Variants in SLC24A2 observed in about 807,000 individuals in gnomAD.
The protein encoded by SLC24A2 is sodium/potassium/calcium exchanger 2.
Under a neutral mutation model 62.0 loss-of-function variants are expected in SLC24A2, and 36 were observed. The observed-to-expected ratio is 0.58, with a 90% CI of 0.44 to 0.77. The LOEUF is 0.77. Ranked by LOEUF, SLC24A2 falls within the 30% of genes least tolerant of loss-of-function variation. The pLI is 0.00. For synonymous variants in SLC24A2, 358 were observed against 294.0 expected (o/e 1.22, Z -2.23); for missense variants, 846 against 817.9 (o/e 1.03, Z -0.42).
chr9:19,695,882 C>A (rs563765590), intron 2 of SLC24A2, among the ~76,000 whole-genome samples: 1 of 152,174 alleles, frequency 6.6e-6, no homozygotes, highest in East Asian at 1.9e-4. Context: ...GGACCACATT[C>A]ATTAAGATAC....
chr9:20,180,201 T>C, the SLC24A2 span, among the ~76,000 whole-genome samples: 1 of 152,216 alleles, frequency 6.6e-6, no homozygotes, highest in South Asian at 2.1e-4. Context: ...TGATTTCTTT[T>C]TTTAAAAGTT....
the SLC24A2 span, among the ~76,000 whole-genome samples, chr9:19,859,744 CT>C: frequency 2.0e-5 from 3 of 152,224 alleles, no homozygotes; most frequent in East Asian, 5.8e-4. Flanking sequence ...TTCTCATCCC[CT>C]TGCAGTGGCA....
chr9:20,026,599 G>A, the SLC24A2 span, among the ~76,000 whole-genome samples: 2 of 152,248 alleles, frequency 1.3e-5, no homozygotes, highest in African/African-American at 2.4e-5. Flanking sequence ...AATAAATGAT[G>A]TTGGTAAAAC....
the SLC24A2 span, among the ~76,000 whole-genome samples, chr9:20,037,769 G>A: frequency 1.3e-5 from 2 of 152,106 alleles, no homozygotes; most frequent in Admixed American, 6.5e-5. Context: ...TTTATGACTC[G>A]GAAGAAGGAC....
intron 2 of SLC24A2, among the ~76,000 whole-genome samples, chr9:19,656,168 G>A (rs1587107147): frequency 6.6e-6 from 1 of 152,222 alleles, no homozygotes; most frequent in Non-Finnish European, 1.5e-5. Context: ...CATAGAGAGA[G>A]CTTTTATTGA....
chr9:19,608,526 C>G (rs911649487), intron 4 of SLC24A2, among the ~76,000 whole-genome samples: 6 of 152,148 alleles, frequency 3.9e-5, no homozygotes, highest in Non-Finnish European at 8.8e-5. Flanking sequence ...TGAGTGAAGT[C>G]TCCAGGCTCA....
intron 5 of SLC24A2, among the ~76,000 whole-genome samples, chr9:19,579,429 G>C (rs3780215): frequency 2.6e-5 from 4 of 151,994 alleles, no homozygotes; most frequent in Admixed American, 2.0e-4. Context: ...TTTGCAGAAG[G>C]CAATTCCAAA....
At chr9:19,609,894 C>T (rs1392865981) in intron 4 of SLC24A2, among the ~76,000 whole-genome samples, 1 of 152,062 alleles carries the variant, frequency 6.6e-6, no homozygotes, top group Non-Finnish European at 1.5e-5. Context: ...CACAGTTCAC[C>T]ATAGAGTTCA....
chr9:19,988,719 A>G, the SLC24A2 span, among the ~76,000 whole-genome samples: 1 of 152,214 alleles, frequency 6.6e-6, no homozygotes, highest in Admixed American at 6.6e-5. Flanking sequence ...CTTTTGTGGA[A>G]GTACCAATGC....
At chr9:20,091,811 A>C in the SLC24A2 span, among the ~76,000 whole-genome samples, 4 of 152,328 alleles carry the variant, frequency 2.6e-5, no homozygotes, top group Middle Eastern at 3.4e-3. Context: ...TGAAGCCAGC[A>C]CAATAACCAG....
At chr9:20,122,468 C>G in the SLC24A2 span, among the ~76,000 whole-genome samples, 83 of 152,282 alleles carry the variant, frequency 5.5e-4, no homozygotes, top group Non-Finnish European at 1.1e-3. Context: ...GGGCAGATCA[C>G]TTGAAGTCAG....
the SLC24A2 span, among the ~76,000 whole-genome samples, chr9:19,910,276 T>C: frequency 1.3e-5 from 2 of 152,108 alleles, no homozygotes; most frequent in African/African-American, 4.8e-5. Context: ...ACCCTTCCTA[T>C]CACCAAATCC....
the SLC24A2 span, among the ~76,000 whole-genome samples, chr9:19,827,599 A>G: frequency 5.3e-5 from 8 of 152,184 alleles, no homozygotes; most frequent in African/African-American, 1.9e-4. Context: ...AAGTAAGGCT[A>G]CATGCATGTT....
intron 4 of SLC24A2, among the ~76,000 whole-genome samples, chr9:19,616,023 C>T (rs1817759735): frequency 6.6e-6 from 1 of 151,504 alleles, no homozygotes; most frequent in South Asian, 2.1e-4. Context: ...CACACACACA[C>T]ACACACACAC....
chr9:20,239,869 C>A, the SLC24A2 span, among the ~76,000 whole-genome samples: 2 of 139,426 alleles, frequency 1.4e-5, no homozygotes, highest in Non-Finnish European at 3.0e-5. Flanking sequence ...AGTTTCCTTG[C>A]CTTCTGGCTT....
At chr9:19,979,544 T>C in the SLC24A2 span, among the ~76,000 whole-genome samples, 2 of 152,172 alleles carry the variant, frequency 1.3e-5, no homozygotes, top group Non-Finnish European at 2.9e-5. Flanking sequence ...TTAGGAGTGA[T>C]CTTTGCAAAT....
the SLC24A2 span, among the ~76,000 whole-genome samples, chr9:20,051,657 C>CTTTAT: frequency 1.4e-5 from 1 of 73,514 alleles, no homozygotes; most frequent in Non-Finnish European, 2.4e-5. Flanking sequence ...TTTTCTTTCT[C>CTTTAT]TTTTTTTTTT....
At chr9:19,993,107 T>C in the SLC24A2 span, among the ~76,000 whole-genome samples, 2 of 152,172 alleles carry the variant, frequency 1.3e-5, no homozygotes, top group African/African-American at 4.8e-5. Flanking sequence ...ATTGACCCTA[T>C]TTAGTAAATG....
At chr9:19,898,505 G>A in the SLC24A2 span, among the ~76,000 whole-genome samples, 1 of 152,182 alleles carries the variant, frequency 6.6e-6, no homozygotes, top group African/African-American at 2.4e-5. Context: ...CACTTTGGGA[G>A]GCCAAGGCGG....
Sources: allele counts gnomAD v4.1 joint callset (sites outside exome capture counted in the v4.1 genomes callset), GRCh38; gene constraint gnomAD v4.1.1; transcripts MANE v1.5; gene names NCBI Gene and HGNC (gene_info 2026-07-23, HGNC 2026-07-21).